The following WNK2 variants were observed in gnomAD, a reference collection of about 807,000 sequenced individuals.
WNK2 encodes serine/threonine-protein kinase WNK2.
Under a neutral mutation model 192.1 loss-of-function variants are expected in WNK2, and 67 were observed. That is an observed-to-expected ratio of 0.35 (90% CI 0.29 to 0.43). WNK2 has a LOEUF of 0.43. WNK2 is among the 20% of genes least tolerant of loss of function. WNK2 has a pLI of 1.00. For synonymous variants in WNK2, 1,439 were observed against 1,393.9 expected, an observed-to-expected ratio of 1.03 and a Z score of -0.72; for missense variants, 2,698 against 3,089.7, an observed-to-expected ratio of 0.87 and a Z score of 3.01.
At chr9:93,184,463 G>T (rs1174580089) in intron 1 of WNK2, among the ~76,000 whole-genome samples, 78 bp downstream of exon 1, 1 of 151,412 alleles carries the variant, frequency 6.6e-6, no homozygotes, top group East Asian at 2.0e-4. Context: ...CTCCCCGCGC[G>T]CCCCTCCCGC....
chr9:93,233,131 G>A (rs7040824), intron 4 of WNK2, among the ~76,000 whole-genome samples: 48,405 of 149,410 alleles, frequency 0.32, 8,361 homozygotes, highest in South Asian at 0.52. Context: ...CTGGGAGGTC[G>A]AGGTTGCAGT....
At chr9:93,232,433 G>A (rs774180957) in intron 4 of WNK2, among the ~76,000 whole-genome samples, 6 of 152,204 alleles carry the variant, frequency 3.9e-5, no homozygotes, top group Non-Finnish European at 5.9e-5. Context: ...GCCCAGGACC[G>A]TGGAGAGCCC....
chr9:93,185,562 G>A lies in WNK2; in HGVS notation c.633G>A (p.Lys211=). The A allele has an allele frequency of 6.2e-7, 1 of 1,612,972 alleles. No individual in the cohort carries two copies. The highest frequency in any genetic ancestry group is 2.2e-5 in the East Asian group (1 of 44,844). The change falls in exon 2 of 30, where the codon AAG becomes AAA. Residue 211 remains lysine (K), a synonymous_variant. Transcript: ENST00000427277. ...GCGGTTCCTTCAAGACGGTCTACAA[G>A]GGGCTGGACACGGAGACCTGGGTGG... is the stretch of plus-strand genomic sequence containing the variant. The part of the protein sequence containing the change: ...LGRGSFKTVY[K]GLDTETWVEV...
chr9:93,232,909 T>C (rs563965457), intron 4 of WNK2, among the ~76,000 whole-genome samples: 2 of 124,386 alleles, frequency 1.6e-5, no homozygotes, highest in Non-Finnish European at 3.1e-5. Context: ...GGAGAATTGC[T>C]TAAGCTCAGG....
rs760528946 is a variant in WNK2 at position 93,185,463 on chromosome 9, C to T, written c.534C>T (p.Asp178=). ...TRRDEPEEEE[D]DEDDLKAVAT... ...GGGACGAGCCCGAAGAGGAGGAGGA[C>T]GACGAGGACGACCTCAAGGCCGTGG... Residue 178 remains aspartate (D), a synonymous_variant, in exon 2 of 30, where the codon GAC becomes GAT. Transcript: ENST00000427277. The T allele has an allele frequency of 2.0e-5, 33 of 1,611,872 alleles. No homozygotes were observed. The highest frequency in any genetic ancestry group is 2.7e-5 in the African/African-American group (2 of 74,624).
chr9:93,237,649 A>T (rs772259247), intron 5 of WNK2, among the ~76,000 whole-genome samples: 7 of 152,136 alleles, frequency 4.6e-5, no homozygotes, highest in Admixed American at 3.3e-4. Flanking sequence ...CGTGGGTCAC[A>T]TTTTCTTGCA....
At chr9:93,264,568 C>A (rs1844860897) in intron 16 of WNK2, among the ~76,000 whole-genome samples, 1 of 152,226 alleles carries the variant, frequency 6.6e-6, no homozygotes, top group African/African-American at 2.4e-5. Flanking sequence ...TGGTCCCCAG[C>A]ACCTGAGCCA....
chr9:93,213,142 G>C (rs761028456), intron 2 of WNK2, among the ~76,000 whole-genome samples: 1 of 152,138 alleles, frequency 6.6e-6, no homozygotes, highest in Non-Finnish European at 1.5e-5. Flanking sequence ...TATAAGAGCC[G>C]TCTTCCCAGA....
chr9:93,308,767 C>T (rs928525131), intron 28 of WNK2, 183 bp downstream of exon 28: 25 of 1,416,316 alleles, frequency 1.8e-5, no homozygotes, highest in African/African-American at 8.7e-5. Flanking sequence ...AGGTGAGCGA[C>T]GCACCCACAG....
Position 93,216,866 on chromosome 9 carries a change from A to C in WNK2, c.682-12830A>C, listed in dbSNP as rs567269577. On this transcript the variant is annotated intron_variant, in intron 2 of 29. Coordinates refer to ENST00000427277, the MANE Select transcript of WNK2 (RefSeq NM_006648.4). ...ACAAAACAAAAAGAACTAAAAAAAA[A>C]CCAGGTGGAATTAATTTTAACAGAT... Among the ~76,000 whole-genome samples, 23 of 152,236 alleles carry C rather than the reference A, an allele frequency of 1.5e-4. No homozygotes were observed. The East Asian group carries it at 2.5e-3, about 17-fold the overall frequency.
At position 93,268,052 on chromosome 9, in the gene WNK2, G is replaced by T; in HGVS notation, c.3900G>T (p.Val1300=). ...ESRQSQANAP[V]YQQNVLHTGK... is the part of the protein sequence containing the mutation. Reference sequence around the variant, plus strand: ...GACAATCCCAAGCCAACGCCCCCGTGTATCAGCAGAACGGTGAGTCTGCAA... The same window carrying T: ...GACAATCCCAAGCCAACGCCCCCGTTTATCAGCAGAACGGTGAGTCTGCAA... The change falls in exon 18 of 30, where the codon GTG becomes GTT. Residue 1300 remains valine, a synonymous_variant. Transcript: ENST00000427277. The T allele has an allele frequency of 6.2e-7, 1 of 1,611,714 alleles. No homozygotes were observed. Among genetic ancestry groups the T allele is most frequent in the Non-Finnish European group, 8.5e-7 (1 of 1,178,996 alleles).
At chr9:93,190,816 C>A (rs551012804) in intron 2 of WNK2, among the ~76,000 whole-genome samples, 2 of 152,226 alleles carry the variant, frequency 1.3e-5, no homozygotes, top group South Asian at 2.1e-4. Context: ...GGGTCACCCG[C>A]GTCTCCAGGC....
At position 93,247,819 on chromosome 9, in the gene WNK2, G is replaced by A. The variant is rs1041402486; in HGVS notation, c.1819G>A (p.Ala607Thr). 20 of 1,539,300 alleles carry A rather than the reference G, an allele frequency of 1.3e-5. No individual in the cohort carries two copies. The highest frequency in any genetic ancestry group is 1.4e-5 in the Non-Finnish European group (16 of 1,147,556). ...CCTGCCACCTACGTTGCCGACCAGC[G>A]CCACCTCCCTGGCCTGTGAGTGCTC... ...HLLPPTLPTS[A>T]TSLASDSTFD... Residue 607 changes from alanine (A) to threonine (T), a missense_variant, in exon 8 of 30, where the codon GCC (alanine) becomes ACC (threonine). Physicochemically the swap from Ala to Thr is moderately conservative, Grantham distance 58. Coordinates refer to ENST00000427277, the MANE Select transcript of WNK2 (RefSeq NM_006648.4). The surrounding 1 kb of genome is among the most constrained non-coding windows in gnomAD (Gnocchi z 5.2).
intron 19 of WNK2, among the ~76,000 whole-genome samples, chr9:93,269,673 A>G (rs543795746): frequency 5.8e-4 from 88 of 152,328 alleles, no homozygotes; most frequent in Non-Finnish European, 8.8e-4. Flanking sequence ...AATTATAAGA[A>G]AAACCCTCCT....
intron 2 of WNK2, among the ~76,000 whole-genome samples, chr9:93,221,951 G>GTA (rs1466892845): frequency 3.3e-5 from 5 of 152,192 alleles, no homozygotes; most frequent in African/African-American, 1.2e-4. Flanking sequence ...TAAAAAGTCA[G>GTA]TATTTATAAA....
Position 93,256,416 on chromosome 9 carries a change from C to T in WNK2, c.2152C>T (p.Pro718Ser), listed in dbSNP as rs1213690475. Residue 718 changes from proline to serine, a missense_variant, in exon 10 of 30, where the codon CCC becomes TCC. Physicochemically the swap from Pro to Ser is moderately conservative, Grantham distance 74. Transcript: ENST00000427277. ...PVLPPPSTPMPTGPGQPAPPG... is the reference protein window; with the variant it reads ...PVLPPPSTPMSTGPGQPAPPG... Reference sequence around the variant, plus strand: ...GCTGCCGCCGCCCAGCACCCCCATGCCCACGGGCCCAGGCCAGCCAGCACC... The same window carrying T: ...GCTGCCGCCGCCCAGCACCCCCATGTCCACGGGCCCAGGCCAGCCAGCACC... 3 of 1,539,950 alleles carry T rather than the reference C, an allele frequency of 1.9e-6. No individual in the cohort carries two copies. Among genetic ancestry groups the T allele is most frequent in the African/African-American group, 1.4e-5 (1 of 73,038 alleles).
At chr9:93,253,656 G>A (rs1463770407) in intron 9 of WNK2, among the ~76,000 whole-genome samples, 2 of 152,120 alleles carry the variant, frequency 1.3e-5, no homozygotes, top group South Asian at 2.1e-4. Flanking sequence ...AAAATAGGGC[G>A]GGGATGAGGG....
intron 24 of WNK2, among the ~76,000 whole-genome samples, chr9:93,298,586 G>A (rs141984894): frequency 6.6e-6 from 1 of 152,306 alleles, no homozygotes; most frequent in East Asian, 1.9e-4. Context: ...GCTTCCTGAG[G>A]CCTCCTGAGC....
chr9:93,275,580 A>G (rs992253829), intron 19 of WNK2, among the ~76,000 whole-genome samples: 4 of 152,220 alleles, frequency 2.6e-5, no homozygotes, highest in Non-Finnish European at 4.4e-5. Flanking sequence ...TATCTTATTC[A>G]GCATTGAACT....
Sources: gnomAD v4.1 joint callset for allele counts (sites outside exome capture counted in the v4.1 genomes callset) on GRCh38, gnomAD v4.1.1 for gene constraint, Gnocchi (gnomAD v3.1) non-coding constraint, MANE v1.5 for transcripts, NCBI Gene and HGNC (gene_info 2026-07-23, HGNC 2026-07-21) for gene names.